The following TSHR variants were observed in gnomAD, a reference collection of about 807,000 sequenced individuals.
TSHR encodes the protein thyrotropin receptor.
Under a neutral mutation model 64.1 loss-of-function variants are expected in TSHR, and 51 were observed. That is an observed-to-expected ratio of 0.80 (90% CI 0.64 to 1.01). The LOEUF (loss-of-function observed/expected upper bound fraction) is 1.01, where lower values mean the gene tolerates loss of function less well. Ranked by LOEUF, TSHR falls within the 50% of genes least tolerant of loss-of-function variation. The pLI, the probability that TSHR is intolerant of heterozygous loss-of-function variation, is 0.00. For synonymous variants in TSHR, 361 were observed against 361.9 expected (o/e 1.00, Z 0.03); for missense variants, 877 against 942.8 (o/e 0.93, Z 0.91).
At chr14:80,981,068 G>C (rs1293081337) in intron 1 of TSHR, among the ~76,000 whole-genome samples, 4 of 151,982 alleles carry the variant, frequency 2.6e-5, no homozygotes, top group African/African-American at 9.7e-5. Context: ...AAAACTGTGA[G>C]ATCTTAATGG....
chr14:81,143,318 G>A lies in TSHR; in HGVS notation c.1260G>A (p.Val420=), dbSNP rs757301014. 6.2e-7 allele frequency: 1 copy of A among 1,614,158 alleles called. No individual in the cohort carries two copies. Among genetic ancestry groups the A allele is most frequent in the Non-Finnish European group, 8.5e-7 (1 of 1,180,048 alleles). ...DIMGYKFLRI[V]VWFVSLLALL... ...TGGGCTACAAGTTCCTGAGAATTGTGGTGTGGTTCGTTAGTCTGCTGGCTC... is the reference window on the plus strand; with the variant it reads ...TGGGCTACAAGTTCCTGAGAATTGTAGTGTGGTTCGTTAGTCTGCTGGCTC... The change falls in exon 10 of 10, where the codon GTG becomes GTA. Residue 420 remains valine, a synonymous_variant. Transcript: ENST00000298171.
At chr14:81,090,635 C>A (rs28654442) in intron 4 of TSHR, among the ~76,000 whole-genome samples, 36,697 of 152,074 alleles carry the variant, frequency 0.24, 6,605 homozygotes, top group African/African-American at 0.52. Flanking sequence ...AGCATAATAT[C>A]ATGTAGAGCT....
At chr14:81,048,756 T>C (rs753839408) in intron 1 of TSHR, among the ~76,000 whole-genome samples, 16 of 152,242 alleles carry the variant, frequency 1.1e-4, no homozygotes, top group Non-Finnish European at 2.1e-4. Flanking sequence ...TGCGTGATGG[T>C]AGGAGGTGCT....
intron 1 of TSHR, among the ~76,000 whole-genome samples, chr14:80,976,450 C>G (rs113982624): frequency 3.3e-5 from 5 of 152,326 alleles, no homozygotes; most frequent in East Asian, 3.9e-4. Flanking sequence ...TCCCCCTCAG[C>G]TTTCACCTCT....
intron 1 of TSHR, among the ~76,000 whole-genome samples, chr14:81,058,891 C>T (rs918337130): frequency 2.0e-5 from 3 of 152,082 alleles, no homozygotes; most frequent in Non-Finnish European, 2.9e-5. Context: ...GAGTAAAAGG[C>T]CTTCTCTTGA....
chr14:81,145,953 C>A lies in TSHR; in HGVS notation c.*1600C>A, dbSNP rs1891912105. 4.3e-6 allele frequency: 1 copy of A among 232,164 alleles called. No individual in the cohort carries two copies. Among genetic ancestry groups the A allele is most frequent in the African/African-American group, 2.2e-5 (1 of 45,286 alleles). The allele number at this position is 232,164 out of a possible 1,614,324, so 14.4% of individuals were successfully genotyped here. On this transcript the variant is annotated 3_prime_UTR_variant, in exon 10 of 10. Transcript: ENST00000298171. ...TTGTGAAGTGTCGTTAATGGGTCCC[C>A]ACAGATGGTCCCTGCTGGACTCACC...
At chr14:81,134,869 A>G (rs1328844678) in intron 8 of TSHR, among the ~76,000 whole-genome samples, 2 of 152,222 alleles carry the variant, frequency 1.3e-5, no homozygotes, top group African/African-American at 2.4e-5. Context: ...AGTGCCCATT[A>G]TAATAAATGG....
chr14:81,067,483 T>TATATATATATATATATATATATA (rs10528933), intron 2 of TSHR, among the ~76,000 whole-genome samples: 9 of 134,962 alleles, frequency 6.7e-5, no homozygotes, highest in African/African-American at 2.6e-4. Context: ...GTTTATAGTT[T>TATATATATATATATATATATATA]TATATATATA....
intron 1 of TSHR, among the ~76,000 whole-genome samples, chr14:80,974,534 C>T (rs977225556): frequency 6.6e-6 from 1 of 152,110 alleles, no homozygotes; most frequent in African/African-American, 2.4e-5. Context: ...AACCAAATTG[C>T]CATTTCACAA....
chr14:81,047,453 A>G (rs1364747491), intron 1 of TSHR, among the ~76,000 whole-genome samples: 2 of 152,314 alleles, frequency 1.3e-5, no homozygotes, highest in East Asian at 3.9e-4. Context: ...TGGATTGAAA[A>G]TGCCTTAAGA....
chr14:81,067,208 T>C (rs1886682049), intron 2 of TSHR, among the ~76,000 whole-genome samples: 2 of 152,110 alleles, frequency 1.3e-5, no homozygotes, highest in South Asian at 4.1e-4. Context: ...AATTCCATGT[T>C]ATTAGACATT....
chr14:81,088,663 T>C (rs1165101083), intron 4 of TSHR, among the ~76,000 whole-genome samples: 2 of 152,194 alleles, frequency 1.3e-5, no homozygotes, highest in African/African-American at 4.8e-5. Context: ...GCCCCCTGGA[T>C]ACCAGGTGGA....
chr14:80,999,868 T>C lies in TSHR; in HGVS notation c.170+44018T>C, dbSNP rs144551862. Among the ~76,000 whole-genome samples, 14 of 152,262 alleles carry C rather than the reference T, an allele frequency of 9.2e-5. No homozygotes were observed. The East Asian group carries it at 2.7e-3, about 29-fold the overall frequency. ...AGGGCTGCACTGTAGAAGTCATTTG[T>C]TTGGAATGTATTTCACATGAGTATT... On this transcript the variant is annotated intron_variant, in intron 1 of 9. Coordinates refer to ENST00000298171, the MANE Select transcript of TSHR (RefSeq NM_000369.5).
chr14:81,044,828 G>A (rs1167235791), intron 1 of TSHR, among the ~76,000 whole-genome samples: 1 of 152,144 alleles, frequency 6.6e-6, no homozygotes, highest in Non-Finnish European at 1.5e-5. Flanking sequence ...AACTATTGTG[G>A]AAGACTGTGT....
At chr14:80,967,903 A>G (rs945418576) in intron 1 of TSHR, among the ~76,000 whole-genome samples, 6 of 152,148 alleles carry the variant, frequency 3.9e-5, no homozygotes, top group Non-Finnish European at 8.8e-5. Context: ...TGCTGCTGCT[A>G]GAAACAAATG....
intron 1 of TSHR, among the ~76,000 whole-genome samples, chr14:81,015,382 T>A (rs968185633): frequency 3.9e-5 from 6 of 152,172 alleles, no homozygotes; most frequent in African/African-American, 1.4e-4. Context: ...AAATTTCTAA[T>A]GCATAATTTT....
chr14:81,114,920 A>C (rs1456093764), intron 8 of TSHR, among the ~76,000 whole-genome samples: 2 of 152,162 alleles, frequency 1.3e-5, no homozygotes, highest in African/African-American at 2.4e-5. Flanking sequence ...GCAGGGGCAC[A>C]CTGACACCTC....
Position 81,096,704 on chromosome 14 carries a change from C to T in TSHR, c.611C>T (p.Ala204Val), listed in dbSNP as rs760702366. 20 of 1,613,384 alleles carry T rather than the reference C, an allele frequency of 1.2e-5. No homozygotes were observed. The East Asian group carries it at 4.2e-4, about 34-fold the overall frequency. Residue 204 changes from alanine to valine, a missense_variant, in exon 7 of 10, where the codon GCT becomes GTT. By Grantham distance (64) the Ala-to-Val change is moderately conservative. Transcript: ENST00000298171. ...GYAFNGTKLD[A>V]VYLNKNKYLT... ...GCTTTCAATGGGACAAAGCTGGATG[C>T]TGTGTAAGTCAAGGGTAGCCATGAA...
At chr14:81,142,401 T>C (rs542683831) in intron 9 of TSHR, among the ~76,000 whole-genome samples, 1 of 151,674 alleles carries the variant, frequency 6.6e-6, no homozygotes, top group Admixed American at 6.6e-5. Context: ...TTTTTTTTTT[T>C]AATCACTGTT....
Sources: allele counts gnomAD v4.1 joint callset (sites outside exome capture counted in the v4.1 genomes callset), GRCh38; gene constraint gnomAD v4.1.1; transcripts MANE v1.5; gene names NCBI Gene and HGNC (gene_info 2026-07-23, HGNC 2026-07-21).